XRCC5: variants seen among roughly 807,000 people sequenced by gnomAD.
XRCC5 encodes the protein X-ray repair cross complementing 5.
A neutral mutation model predicts 95.7 loss-of-function variants in XRCC5; 12 were observed. That is an observed-to-expected ratio of 0.13 (90% CI 0.08 to 0.20). The LOEUF is 0.20. XRCC5 is among the 10% of genes least tolerant of loss of function. The pLI is 1.00. For synonymous variants in XRCC5, 281 were observed against 290.3 expected, an observed-to-expected ratio of 0.97 and a Z score of 0.33; for missense variants, 595 against 873.9, an observed-to-expected ratio of 0.68 and a Z score of 4.02.
chr2:216,114,891 C>G (rs1054015518), intron 2 of XRCC5, among the ~76,000 whole-genome samples: 8 of 152,176 alleles, frequency 5.3e-5, no homozygotes, highest in East Asian at 1.9e-4. Context: ...ACTACGCATG[C>G]GGCCCCCTCT....
chr2:216,200,037 C>G (rs1366026452), intron 19 of XRCC5, among the ~76,000 whole-genome samples: 1 of 149,222 alleles, frequency 6.7e-6, no homozygotes, highest in East Asian at 1.9e-4. Flanking sequence ...TGGTGTTGGC[C>G]ATTTTACCAA....
chr2:216,149,603 T>G (rs1559247979), intron 14 of XRCC5, among the ~76,000 whole-genome samples: 1 of 124,678 alleles, frequency 8.0e-6, no homozygotes, highest in Non-Finnish European at 2.0e-5. Flanking sequence ...CACAGGGCTA[T>G]TCTCTCTCTG....
chr2:216,180,694 C>G (rs1574481715), intron 16 of XRCC5, among the ~76,000 whole-genome samples: 1 of 152,042 alleles, frequency 6.6e-6, no homozygotes, highest in Non-Finnish European at 1.5e-5. Context: ...GGAGAGGGCC[C>G]AAAGAAGGGC....
chr2:216,110,314 C>T (rs1242222003), intron 1 of XRCC5, among the ~76,000 whole-genome samples: 1 of 151,960 alleles, frequency 6.6e-6, no homozygotes, highest in Admixed American at 6.6e-5. Flanking sequence ...GATGTGGTTC[C>T]AGGGATTAAT....
chr2:216,167,216 C>T (rs1226903865), intron 16 of XRCC5, among the ~76,000 whole-genome samples: 1 of 152,066 alleles, frequency 6.6e-6, no homozygotes, highest in African/African-American at 2.4e-5. Flanking sequence ...ATTTTTTTCC[C>T]CTTTCACTTT....
chr2:216,160,663 CTTAATTAA>C (rs34464036), intron 15 of XRCC5, among the ~76,000 whole-genome samples: 6 of 150,536 alleles, frequency 4.0e-5, no homozygotes, highest in East Asian at 3.9e-4. Flanking sequence ...AAAATACTAC[CTTAATTAA>C]TTAATTAATT....
At chr2:216,129,596 C>T (rs1347430288) in intron 8 of XRCC5, among the ~76,000 whole-genome samples, 1 of 152,210 alleles carries the variant, frequency 6.6e-6, no homozygotes, top group Non-Finnish European at 1.5e-5. Context: ...AATCATGTGC[C>T]ATACATTTCC....
At chr2:216,138,473 C>G (rs764609820) in intron 12 of XRCC5, among the ~76,000 whole-genome samples, 4 of 152,144 alleles carry the variant, frequency 2.6e-5, no homozygotes, top group Non-Finnish European at 5.9e-5. Flanking sequence ...CAGAGTTTGC[C>G]CCTGCCGAAG....
intron 10 of XRCC5, among the ~76,000 whole-genome samples, chr2:216,135,838 TTA>T (rs1697065997): frequency 6.6e-6 from 1 of 151,210 alleles, no homozygotes; most frequent in Admixed American, 6.6e-5. Flanking sequence ...TGCGGTGGCA[TTA>T]TCAAAGACCG....
intron 16 of XRCC5, among the ~76,000 whole-genome samples, chr2:216,165,328 G>A (rs924510498): frequency 4.6e-5 from 7 of 152,104 alleles, no homozygotes; most frequent in African/African-American, 1.4e-4. Context: ...CTAGTATTTC[G>A]ACAAAAGATG....
chr2:216,152,235 C>CA (rs1217952235), intron 14 of XRCC5, among the ~76,000 whole-genome samples: 1 of 152,016 alleles, frequency 6.6e-6, no homozygotes, highest in Non-Finnish European at 1.5e-5. Flanking sequence ...TCAGGAGTTC[C>CA]AGACCAGCCT....
chr2:216,191,654 G>A (rs947263941), intron 17 of XRCC5, among the ~76,000 whole-genome samples: 20 of 152,082 alleles, frequency 1.3e-4, no homozygotes, highest in Non-Finnish European at 2.2e-4. Context: ...CAGGTTATTC[G>A]CCCACCTTGG....
intron 16 of XRCC5, among the ~76,000 whole-genome samples, chr2:216,180,328 GAAT>G (rs1689360637): frequency 6.6e-6 from 1 of 152,174 alleles, no homozygotes; most frequent in Non-Finnish European, 1.5e-5. Flanking sequence ...CTACTTTGAA[GAAT>G]AATTCGTGGA....
chr2:216,152,609 G>A (rs1202449410), intron 14 of XRCC5, among the ~76,000 whole-genome samples: 3 of 150,904 alleles, frequency 2.0e-5, no homozygotes, highest in African/African-American at 7.3e-5. Flanking sequence ...CCTGCCTAAA[G>A]TGAATTCCTT....
chr2:216,174,368 CAT>C (rs2106035535), intron 16 of XRCC5, among the ~76,000 whole-genome samples: 1 of 152,292 alleles, frequency 6.6e-6, no homozygotes, highest in East Asian at 1.9e-4. Context: ...TGCAAGTCAG[CAT>C]ATGTTTCTTT....
intron 13 of XRCC5, among the ~76,000 whole-genome samples, chr2:216,145,350 C>T (rs1265943772): frequency 6.6e-6 from 1 of 152,156 alleles, no homozygotes; most frequent in Non-Finnish European, 1.5e-5. Context: ...GAAAGAAATG[C>T]TGAAAATATA....
Position 216,160,684 on chromosome 2 carries a change from TTA to T in XRCC5, c.1764+524_1764+525del, listed in dbSNP as rs1397004179. Among the ~76,000 whole-genome samples, 283 of 152,040 alleles carry T rather than the reference TTA, an allele frequency of 1.9e-3. 1 individual carries two copies. The highest frequency in any genetic ancestry group is 6.1e-3 in the African/African-American group (254 of 41,488). On this transcript the variant is annotated intron_variant, in intron 15 of 20. Coordinates refer to ENST00000392132, the MANE Select transcript of XRCC5 (RefSeq NM_021141.4). The stretch of plus-strand genomic sequence containing the variant: ...CTACCTTAATTAATTAATTAATTAA[TTA>T]ATTAATTTTTATATCTTGGTCAGCC...
intron 16 of XRCC5, among the ~76,000 whole-genome samples, 200 bp downstream of exon 16, chr2:216,162,248 A>C (rs1342786725): frequency 1.3e-5 from 2 of 152,184 alleles, no homozygotes; most frequent in Non-Finnish European, 2.9e-5. Flanking sequence ...AGATTTTCTC[A>C]AAAGGAACTA....
chr2:216,170,278 T>C (rs978871442), intron 16 of XRCC5, among the ~76,000 whole-genome samples: 1 of 152,088 alleles, frequency 6.6e-6, no homozygotes, highest in African/African-American at 2.4e-5. Flanking sequence ...TCCCAGTGTT[T>C]TGTTTTCTCA....
Sources: gnomAD v4.1 joint callset for allele counts (sites outside exome capture counted in the v4.1 genomes callset) on GRCh38, gnomAD v4.1.1 for gene constraint, MANE v1.5 for transcripts, NCBI Gene and HGNC (gene_info 2026-07-23, HGNC 2026-07-21) for gene names.